NOX1: variants seen among roughly 807,000 people sequenced by gnomAD.
The protein encoded by NOX1 is NADPH oxidase 1, also known as NADH/NADPH mitogenic oxidase subunit P65-MOX.
NOX1 carries 34 observed loss-of-function variants against 42.5 expected under a neutral mutation model. The observed-to-expected ratio is 0.80, with a 90% CI of 0.61 to 1.07. The LOEUF (loss-of-function observed/expected upper bound fraction) is 1.07, where lower values mean the gene tolerates loss of function less well. Ranked by LOEUF, NOX1 falls within the 50% of genes least tolerant of loss-of-function variation. The pLI is 0.00. For missense variants in NOX1, 408 were observed against 427.0 expected (o/e 0.96, Z 0.39); for synonymous variants, 143 against 152.5 (o/e 0.94, Z 0.46).
At chrX:100,846,561 TTG>T (rs769416925) in intron 12 of NOX1, among the ~76,000 whole-genome samples, 2 of 111,044 alleles carry the variant, frequency 1.8e-5, no homozygotes, top group Admixed American at 1.9e-4. Flanking sequence ...CTTCCCTGGT[TTG>T]TCTTTTTCCC....
rs1251070065 is a variant in NOX1, at chrX:100,874,297, G to T, written c.-158C>A. On this transcript the variant is annotated 5_prime_UTR_variant, in exon 1 of 13. Coordinates refer to ENST00000372966, the MANE Select transcript of NOX1 (RefSeq NM_007052.5). The stretch of plus-strand genomic sequence containing the variant: ...ACCTACCCCAAGAGTTCCTGGGAAT[G>T]AATAAGTTTATTCTGCCTTCCTTCT... 1 of 454,347 alleles carries T rather than the reference G, an allele frequency of 2.2e-6. No individual in the cohort carries two copies. The allele number at this position is 454,347 out of a possible 1,213,427, so 37.4% of individuals were successfully genotyped here.
chrX:100,855,715 T>TGCCACCAAA, intron 7 of NOX1: 2 of 1,044,297 alleles, frequency 1.9e-6, no homozygotes, highest in Middle Eastern at 3.5e-4. Context: ...CCATCATGGC[T>TGCCACCAAA]GCCACCAAAG....
At chrX:100,854,676 C>T (rs184036685) in intron 7 of NOX1, among the ~76,000 whole-genome samples, 178 of 111,487 alleles carry the variant, frequency 1.6e-3, no homozygotes, top group Admixed American at 3.1e-3. Flanking sequence ...CATTATTCAA[C>T]GTAGATATAT....
At chrX:100,856,472 T>C in intron 7 of NOX1, 1 of 414,667 alleles carries the variant, frequency 2.4e-6, no homozygotes, top group South Asian at 4.3e-5. Flanking sequence ...GGTCCTCTTG[T>C]CTACTAGTCC....
rs745788323 is a variant in NOX1 at position 100,862,198 on chromosome X, G to A, written c.777C>T (p.Arg259=). The A allele has an allele frequency of 1.7e-6, 2 of 1,211,860 alleles. No homozygotes were observed. Among genetic ancestry groups the A allele is most frequent in the South Asian group, 1.8e-5 (1 of 57,005 alleles). ...CAGGGGGATGCCCTTCAAACTTAGG[G>A]CGCCTACAGTGGGAGTCACGATCAT... ...MWDDRDSHCR[R]PKFEGHPPES... Residue 259 remains arginine (R), a synonymous_variant, in exon 7 of 13, where the codon CGC becomes CGT. Coordinates refer to ENST00000372966, the MANE Select transcript of NOX1 (RefSeq NM_007052.5).
chrX:100,854,237 T>A (rs1405378313), intron 7 of NOX1, among the ~76,000 whole-genome samples: 1 of 112,379 alleles, frequency 8.9e-6, no homozygotes, highest in Non-Finnish European at 1.9e-5. Flanking sequence ...AAATTTTTTA[T>A]TTACTTCTAG....
chrX:100,871,270 G>C (rs780639820), intron 1 of NOX1, among the ~76,000 whole-genome samples: 19 of 112,200 alleles, frequency 1.7e-4, no homozygotes, highest in South Asian at 3.7e-4. Flanking sequence ...TGACGGAGTA[G>C]AGTAGTTGGG....
At chrX:100,857,231 G>A (rs747100958) in intron 7 of NOX1, among the ~76,000 whole-genome samples, 9 of 112,049 alleles carry the variant, frequency 8.0e-5, no homozygotes, top group South Asian at 7.5e-4. Flanking sequence ...TTATGGCTGC[G>A]TAGTATTCCA....
At chrX:100,852,325 C>T (rs758444235) in intron 7 of NOX1, among the ~76,000 whole-genome samples, 1 of 110,620 alleles carries the variant, frequency 9.0e-6, no homozygotes, top group Non-Finnish European at 1.9e-5. Flanking sequence ...AAAAATTAGC[C>T]GAGTGTGGTG....
At chrX:100,873,994 G>A (rs775199214) in intron 1 of NOX1, 101 bp downstream of exon 1, 64 of 603,706 alleles carry the variant, frequency 1.1e-4, no homozygotes, top group East Asian at 1.4e-4. Flanking sequence ...CCCAATAATC[G>A]GCATGGAATC....
At chrX:100,859,587 G>C (rs1438419469) in intron 7 of NOX1, among the ~76,000 whole-genome samples, 2 of 110,481 alleles carry the variant, frequency 1.8e-5, no homozygotes, top group Admixed American at 1.9e-4. Context: ...TTAGTTGTAG[G>C]CTTTTTTATT....
Position 100,856,812 on chromosome X carries a change from A to G in NOX1, c.804+5359T>C, listed in dbSNP as rs748117166. On this transcript the variant is annotated intron_variant, in intron 7 of 12. Transcript: ENST00000372966. ...GGTCTCGAACTCTTGAGCTCAAGCA[A>G]TCCTCCTGCCTCAGCCTCCCAAAGT... Among the ~76,000 whole-genome samples the G allele has an allele frequency of 1.9e-4, 21 of 111,560 alleles. 1 individual carries two copies. The South Asian group carries it at 8.0e-3, about 43-fold the overall frequency.
chrX:100,843,345 T>C lies in NOX1; in HGVS notation c.*607A>G. ...TTCATCAAGTGAAGAAGAAAATCCT[T>C]TATTTTTTGATGAGCAAAAATAAGA... is the stretch of plus-strand genomic sequence containing the variant. On this transcript the variant is annotated 3_prime_UTR_variant, in exon 13 of 13. Coordinates refer to ENST00000372966, the MANE Select transcript of NOX1 (RefSeq NM_007052.5). 9.2e-7 allele frequency: 1 copy of C among 1,091,235 alleles called. No individual in the cohort carries two copies. Among genetic ancestry groups the C allele is most frequent in the African/African-American group, 2.2e-5 (1 of 45,247 alleles). The allele number at this position is 1,091,235 out of a possible 1,213,427, so 89.9% of individuals were successfully genotyped here. A position where few individuals can be genotyped will look rare whatever the true frequency, so the allele number is the denominator to read the frequency against.
intron 7 of NOX1, among the ~76,000 whole-genome samples, chrX:100,853,233 TTTTC>T (rs1569445381): frequency 2.9e-5 from 3 of 103,137 alleles, no homozygotes; most frequent in Admixed American, 1.0e-4. Flanking sequence ...CTTTCTTTCT[TTTTC>T]TTTCTTTCCT....
In NOX1 at chrX:100,862,580, A is replaced by G. The variant is rs770385898; in HGVS notation, c.490-7T>C. 1 of 1,205,008 alleles carries G rather than the reference A, an allele frequency of 8.3e-7. No homozygotes were observed. The highest frequency in any genetic ancestry group is 1.1e-6 in the Non-Finnish European group (1 of 890,969). Reference sequence around the variant, plus strand: ...ATGTCACATACTCCACTGTCTGTGAAAGGAGAAATGTCAGCCTGACACAAT... The same window carrying G: ...ATGTCACATACTCCACTGTCTGTGAGAGGAGAAATGTCAGCCTGACACAAT... On this transcript the variant is annotated splice_region_variant and splice_polypyrimidine_tract_variant and intron_variant, in intron 5 of 12. Transcript: ENST00000372966.
At chrX:100,844,316 G>A (rs929833168) in intron 12 of NOX1, among the ~76,000 whole-genome samples, 5 of 112,323 alleles carry the variant, frequency 4.5e-5, no homozygotes, top group African/African-American at 9.7e-5. Context: ...ACAGACATAA[G>A]ACAGTGCAGT....
At chrX:100,846,022 G>A (rs1057412475) in intron 12 of NOX1, among the ~76,000 whole-genome samples, 7 of 110,729 alleles carry the variant, frequency 6.3e-5, no homozygotes, top group African/African-American at 2.3e-4. Flanking sequence ...TCCTGACCTC[G>A]TGATCCACCC....
rs772669903 is a variant in NOX1 at position 100,862,834 on chromosome X, TGAAAA to T, written c.338-19_338-15del. 1.5e-5 allele frequency: 18 copies of T among 1,187,678 alleles called. No individual in the cohort carries two copies. Among genetic ancestry groups the T allele is most frequent in the Non-Finnish European group, 2.0e-5 (18 of 882,612 alleles). ...TGATGTGAATAGCTAAATGGAAAGATGAAAAGAAATGTTAAGAGGCATCTCAGCAA... is the reference window on the plus strand; with the variant it reads ...TGATGTGAATAGCTAAATGGAAAGATGAAATGTTAAGAGGCATCTCAGCAA... On this transcript the variant is annotated splice_polypyrimidine_tract_variant and intron_variant, in intron 4 of 12. Transcript: ENST00000372966.
intron 7 of NOX1, among the ~76,000 whole-genome samples, chrX:100,852,420 G>A (rs972840282): frequency 9.8e-5 from 11 of 111,713 alleles, no homozygotes; most frequent in African/African-American, 2.9e-4. Context: ...CCCAGGTCGC[G>A]CCACTGCATT....
Sources: allele counts gnomAD v4.1 joint callset (sites outside exome capture counted in the v4.1 genomes callset), GRCh38; gene constraint gnomAD v4.1.1; transcripts MANE v1.5; gene names NCBI Gene and HGNC (gene_info 2026-07-23, HGNC 2026-07-21).